RFWD3: variants seen among roughly 807,000 people sequenced by gnomAD.
RFWD3 encodes ring finger and WD repeat domain 3, also known as E3 ubiquitin-protein ligase RFWD3.
A neutral mutation model predicts 87.7 loss-of-function variants in RFWD3; 65 were observed. The observed-to-expected ratio is 0.74, with a 90% CI of 0.61 to 0.91. The LOEUF is 0.91. Ranked by LOEUF, RFWD3 falls within the 40% of genes least tolerant of loss-of-function variation. The pLI, the probability that RFWD3 is intolerant of heterozygous loss-of-function variation, is 0.00. For synonymous variants in RFWD3, 433 were observed against 352.8 expected (o/e 1.23, Z -2.55); for missense variants, 1,078 against 938.5 (o/e 1.15, Z -1.94).
At chr16:74,632,749 C>T (rs1959140983) in intron 8 of RFWD3, 76 bp from the exon 9 acceptor site, 1 of 1,346,600 alleles carries the variant, frequency 7.4e-7, no homozygotes, top group South Asian at 1.3e-5. Context: ...TTTCAAGTAG[C>T]TCCTTCGTCC....
At chr16:74,635,446 A>T (rs1420254382) in intron 8 of RFWD3, among the ~76,000 whole-genome samples, 1 of 149,748 alleles carries the variant, frequency 6.7e-6, no homozygotes, top group South Asian at 2.2e-4. Context: ...CAGCCTGCGC[A>T]AAAGAGTGAG....
chr16:74,630,956 G>T lies in RFWD3; in HGVS notation c.1579C>A (p.Leu527Met), dbSNP rs778265382. Reference sequence around the variant, plus strand: ...GTCTGGACCACGGTATTTGTCTCCAGGCTGTGGAGTTACAAAAGACTTTTA... The same window carrying T: ...GTCTGGACCACGGTATTTGTCTCCATGCTGTGGAGTTACAAAAGACTTTTA... ...SLDNTIKLTS[L>M]ETNTVVQTYN... Residue 527 changes from leucine to methionine, a missense_variant and splice_region_variant, in exon 10 of 13, where the codon CTG (leucine) becomes ATG (methionine). Physicochemically the swap from Leu to Met is conservative, Grantham distance 15. Transcript: ENST00000361070. 6 of 1,598,284 alleles carry T rather than the reference G, an allele frequency of 3.8e-6. No homozygotes were observed. In the Admixed American group the frequency reaches 9.1e-5, roughly 24 times the overall value.
At chr16:74,636,851 C>T (rs1319409461) in intron 7 of RFWD3, among the ~76,000 whole-genome samples, 1 of 151,748 alleles carries the variant, frequency 6.6e-6, no homozygotes, top group Non-Finnish European at 1.5e-5. Context: ...GCTGGGATTA[C>T]ATGCACCCAC....
At chr16:74,657,181 C>T (rs563296665) in intron 2 of RFWD3, among the ~76,000 whole-genome samples, 1 of 152,174 alleles carries the variant, frequency 6.6e-6, no homozygotes, top group African/African-American at 2.4e-5. Flanking sequence ...GTGCTCCAAT[C>T]CCTCTGGTGC....
chr16:74,635,977 A>C (rs1447579646), intron 8 of RFWD3, among the ~76,000 whole-genome samples: 4 of 152,208 alleles, frequency 2.6e-5, no homozygotes, highest in Non-Finnish European at 4.4e-5. Context: ...GTAAATATTA[A>C]ATTTTGTTTC....
At position 74,632,618 on chromosome 16, in the gene RFWD3, C is replaced by T. The variant is rs769001463; in HGVS notation, c.1482G>A (p.Pro494=). The part of the protein sequence containing the change: ...TANMKSSQYI[P]MHGKQIRGLA... Reference sequence around the variant, plus strand: ...GTCCACGGATCTGTTTGCCATGCATCGGAATGTACTGACTGCTCTTCATGT... The same window carrying T: ...GTCCACGGATCTGTTTGCCATGCATTGGAATGTACTGACTGCTCTTCATGT... Residue 494 remains proline (P), a synonymous_variant, in exon 9 of 13, where the codon CCG becomes CCA. Transcript: ENST00000361070. 8 of 1,614,102 alleles carry T rather than the reference C, an allele frequency of 5.0e-6. No homozygotes were observed. The Admixed American group carries it at 5.0e-5, about 10-fold the overall frequency.
intron 8 of RFWD3, among the ~76,000 whole-genome samples, chr16:74,634,439 C>T (rs1959176934): frequency 1.3e-5 from 2 of 152,138 alleles, no homozygotes; most frequent in South Asian, 4.2e-4. Flanking sequence ...TGCTAAGGTG[C>T]AGTGGCACCA....
chr16:74,632,934 T>A (rs545888293), intron 8 of RFWD3, among the ~76,000 whole-genome samples: 2 of 152,226 alleles, frequency 1.3e-5, no homozygotes, highest in South Asian at 4.1e-4. Flanking sequence ...CCCAAAGTGC[T>A]GGGATTACAG....
chr16:74,661,508 G>A, intron 1 of RFWD3, 57 bp from the exon 2 acceptor site: 1 of 1,365,704 alleles, frequency 7.3e-7, no homozygotes. Flanking sequence ...ATGCTATGTA[G>A]GTGACAGAAT....
At chr16:74,645,613 A>G (rs1960058278) in intron 4 of RFWD3, among the ~76,000 whole-genome samples, 1 of 152,146 alleles carries the variant, frequency 6.6e-6, no homozygotes, top group Non-Finnish European at 1.5e-5. Flanking sequence ...TTGGTCTCCC[A>G]AAGTGCTGGG....
chr16:74,642,286 A>G (rs1039515849), intron 6 of RFWD3, among the ~76,000 whole-genome samples: 2 of 151,454 alleles, frequency 1.3e-5, no homozygotes, highest in African/African-American at 4.9e-5. Flanking sequence ...CCACATCCGG[A>G]TAATTTTTTG....
At chr16:74,637,122 T>TAAAAAAAAAAAAAAAAAA (rs759556308) in intron 7 of RFWD3, among the ~76,000 whole-genome samples, 6 of 101,794 alleles carry the variant, frequency 5.9e-5, no homozygotes, top group Non-Finnish European at 1.1e-4. Context: ...TAAAGTCCTT[T>TAAAAAAAAAAAAAAAAAA]AAAAAAAAAA....
In RFWD3 at chr16:74,623,691, C is replaced by A. The variant is rs751389192; in HGVS notation, c.*237G>T. ...AATAATGGTTAATGAAGGCTTTAAA[C>A]CCAAGAAATGGATAATGTAGATAAA... On this transcript the variant is annotated 3_prime_UTR_variant, in exon 13 of 13. Coordinates refer to ENST00000361070, the MANE Select transcript of RFWD3 (RefSeq NM_018124.4). 4 of 420,810 alleles carry A rather than the reference C, an allele frequency of 9.5e-6. No individual in the cohort carries two copies. The highest frequency in any genetic ancestry group is 1.7e-5 in the Non-Finnish European group (4 of 238,220). The allele number at this position is 420,810 out of a possible 1,614,324, so 26.1% of individuals were successfully genotyped here. A position where few individuals can be genotyped will look rare whatever the true frequency, so the allele number is the denominator to read the frequency against.
intron 6 of RFWD3, among the ~76,000 whole-genome samples, chr16:74,642,504 T>C (rs1959749219): frequency 6.6e-6 from 1 of 151,988 alleles, no homozygotes; most frequent in Non-Finnish European, 1.5e-5. Context: ...TCAACAGATT[T>C]ATCTTTATTT....
intron 11 of RFWD3, 63 bp downstream of exon 11, chr16:74,628,389 T>C (rs1217658864): frequency 6.6e-7 from 1 of 1,509,738 alleles, no homozygotes; most frequent in African/African-American, 1.4e-5. Context: ...GATCAAACCC[T>C]CCTTCCCTTT....
At chr16:74,648,914 G>C (rs1362835955) in intron 4 of RFWD3, among the ~76,000 whole-genome samples, 1 of 151,982 alleles carries the variant, frequency 6.6e-6, no homozygotes, top group East Asian at 1.9e-4. Flanking sequence ...GTGAGACTCT[G>C]TCTACAAAAA....
intron 1 of RFWD3, among the ~76,000 whole-genome samples, chr16:74,663,406 T>A (rs560827078): frequency 3.9e-5 from 6 of 152,040 alleles, no homozygotes; most frequent in Non-Finnish European, 7.4e-5. Context: ...GAAGGAACAA[T>A]TGAGTGTCAA....
At chr16:74,635,299 T>A (rs1390467990) in intron 8 of RFWD3, among the ~76,000 whole-genome samples, 7 of 147,316 alleles carry the variant, frequency 4.8e-5, no homozygotes, top group East Asian at 4.0e-4. Flanking sequence ...ATAAAAAAAA[T>A]AAAAAATAAA....
intron 6 of RFWD3, among the ~76,000 whole-genome samples, chr16:74,643,613 G>A (rs1959842230): frequency 1.3e-5 from 2 of 150,712 alleles, no homozygotes; most frequent in African/African-American, 4.9e-5. Flanking sequence ...TCTCTCAATG[G>A]TGTGTATGTT....
Sources: allele counts gnomAD v4.1 joint callset (sites outside exome capture counted in the v4.1 genomes callset), GRCh38; gene constraint gnomAD v4.1.1; transcripts MANE v1.5; gene names NCBI Gene and HGNC (gene_info 2026-07-23, HGNC 2026-07-21).